LRRIQ3: variants seen among roughly 807,000 people sequenced by gnomAD.
The protein encoded by LRRIQ3 is leucine rich repeats and IQ motif containing 3, also known as leucine-rich repeat and IQ domain-containing protein 3.
A neutral mutation model predicts 59.3 loss-of-function variants in LRRIQ3; 75 were observed. The ratio of observed to expected loss-of-function variants is 1.26; its 90% CI spans 1.05 to 1.53. LRRIQ3 has a LOEUF of 1.53. LRRIQ3 is among the 40% of genes most tolerant of loss of function. LRRIQ3 has a pLI of 0.00. For synonymous variants in LRRIQ3, 250 were observed against 231.3 expected, an observed-to-expected ratio of 1.08 and a Z score of -0.73; for missense variants, 831 against 710.0, an observed-to-expected ratio of 1.17 and a Z score of -1.94.
At chr1:74,124,101 T>G (rs1220736630) in intron 4 of LRRIQ3, among the ~76,000 whole-genome samples, 1 of 151,964 alleles carries the variant, frequency 6.6e-6, no homozygotes, top group African/African-American at 2.4e-5. Context: ...TGATTTATGT[T>G]TTTCTGATGA....
intron 1 of LRRIQ3, among the ~76,000 whole-genome samples, chr1:74,188,498 T>C (rs10789390): frequency 0.98 from 149,182 of 152,288 alleles, 73,150 homozygotes; most frequent in Middle Eastern, 1. Context: ...CTTAGGATGT[T>C]ACACTTCTCT....
At chr1:74,136,346 A>T (rs1014008705) in intron 4 of LRRIQ3, among the ~76,000 whole-genome samples, 1 of 151,928 alleles carries the variant, frequency 6.6e-6, no homozygotes, top group Non-Finnish European at 1.5e-5. Context: ...TCCTCCAGAA[A>T]TAGAGAAAGA....
intron 5 of LRRIQ3, among the ~76,000 whole-genome samples, chr1:74,078,357 T>A (rs1646232418): frequency 6.6e-6 from 1 of 151,668 alleles, no homozygotes; most frequent in Non-Finnish European, 1.5e-5. Flanking sequence ...CCTTTTCCAA[T>A]GAGATAGTAA....
intron 3 of LRRIQ3, among the ~76,000 whole-genome samples, chr1:74,169,170 G>A (rs552625975): frequency 6.6e-6 from 1 of 152,126 alleles, no homozygotes; most frequent in Non-Finnish European, 1.5e-5. Context: ...GAAATCATCC[G>A]GTATTTGTCC....
intron 1 of LRRIQ3, among the ~76,000 whole-genome samples, chr1:74,188,184 G>A (rs1025496737): frequency 1.3e-5 from 2 of 152,082 alleles, no homozygotes; most frequent in African/African-American, 4.8e-5. Flanking sequence ...ACCAAATACT[G>A]CATTTTCTCC....
chr1:74,061,060 G>C (rs1410816708), intron 6 of LRRIQ3, among the ~76,000 whole-genome samples: 1 of 152,082 alleles, frequency 6.6e-6, no homozygotes, highest in African/African-American at 2.4e-5. Context: ...GGCAGGACTT[G>C]ATCTGATATA....
intron 3 of LRRIQ3, among the ~76,000 whole-genome samples, chr1:74,176,375 T>C (rs1347681359): frequency 1.3e-5 from 2 of 152,176 alleles, no homozygotes; most frequent in African/African-American, 2.4e-5. Context: ...TCTTTCTTGT[T>C]TTCCAGATTT....
intron 4 of LRRIQ3, among the ~76,000 whole-genome samples, chr1:74,147,538 C>T (rs1316553383): frequency 6.6e-6 from 1 of 152,048 alleles, no homozygotes; most frequent in East Asian, 1.9e-4. Flanking sequence ...TTCAGAAGAG[C>T]TTTCCAATAT....
chr1:74,110,485 C>T (rs1184796682), intron 4 of LRRIQ3, among the ~76,000 whole-genome samples: 1 of 151,864 alleles, frequency 6.6e-6, no homozygotes, highest in Non-Finnish European at 1.5e-5. Flanking sequence ...AATTTAGCAG[C>T]CTATTTTATA....
intron 4 of LRRIQ3, among the ~76,000 whole-genome samples, chr1:74,151,598 G>A (rs1452273337): frequency 6.6e-6 from 1 of 151,976 alleles, no homozygotes; most frequent in African/African-American, 2.4e-5. Flanking sequence ...ATCCGGGGTG[G>A]GGGGGATGGG....
intron 7 of LRRIQ3, among the ~76,000 whole-genome samples, chr1:74,029,265 G>A (rs1653620238): frequency 6.6e-6 from 1 of 152,084 alleles, no homozygotes; most frequent in Non-Finnish European, 1.5e-5. Context: ...AATAGGAGTG[G>A]CGAGAGAGGG....
At chr1:74,196,064 A>G (rs899259831) in intron 1 of LRRIQ3, among the ~76,000 whole-genome samples, 1 of 152,068 alleles carries the variant, frequency 6.6e-6, no homozygotes, top group Admixed American at 6.5e-5. Flanking sequence ...AACAGAAGCC[A>G]TAGCTGATAA....
At chr1:74,051,407 C>T (rs957149965) in intron 6 of LRRIQ3, among the ~76,000 whole-genome samples, 7 of 152,118 alleles carry the variant, frequency 4.6e-5, no homozygotes, top group Non-Finnish European at 1.0e-4. Context: ...TCTCAAATAG[C>T]CATACCTATT....
intron 3 of LRRIQ3, among the ~76,000 whole-genome samples, chr1:74,162,075 T>C (rs924417347): frequency 2.6e-5 from 4 of 151,896 alleles, no homozygotes; most frequent in African/African-American, 7.2e-5. Context: ...TCATCATTTG[T>C]AAAATGGAGA....
chr1:74,145,354 C>T (rs922270694), intron 4 of LRRIQ3, among the ~76,000 whole-genome samples: 20 of 152,142 alleles, frequency 1.3e-4, no homozygotes, highest in African/African-American at 4.8e-4. Flanking sequence ...GTGGAGTTGG[C>T]TCTGCCATGC....
rs545656490 is a variant in LRRIQ3 at position 74,026,205 on chromosome 1, C to A, written c.*608G>T. 6.6e-6 allele frequency: 1 copy of A among 151,998 alleles called. No homozygotes were observed. Among genetic ancestry groups the A allele is most frequent in the African/African-American group, 2.4e-5 (1 of 41,492 alleles). The allele number at this position is 151,998 out of a possible 1,614,324, so 9.4% of individuals were successfully genotyped here. The stretch of plus-strand genomic sequence containing the variant: ...TGTATACCAAACAGGGCAAACCCAT[C>A]AAAAGTAAATATACAAAAATCTTAC... On this transcript the variant is annotated 3_prime_UTR_variant, in exon 8 of 8. Transcript: ENST00000354431.
rs1006134583 is a variant in LRRIQ3 at position 74,114,898 on chromosome 1, T to C, written c.708-5345A>G. ...GACATATCTGTGAATAATGTTAAGA[T>C]TTAAGTTTATTTTAAAATAAATTCC... is the stretch of plus-strand genomic sequence containing the variant. On this transcript the variant is annotated intron_variant, in intron 4 of 7. Transcript: ENST00000354431. Among the ~76,000 whole-genome samples, 4 of 152,106 alleles carry C rather than the reference T, an allele frequency of 2.6e-5. No individual in the cohort carries two copies. The East Asian group carries it at 7.7e-4, about 29-fold the overall frequency.
intron 4 of LRRIQ3, among the ~76,000 whole-genome samples, chr1:74,128,908 T>C (rs182551622): frequency 6.6e-6 from 1 of 152,142 alleles, no homozygotes; most frequent in East Asian, 1.9e-4. Flanking sequence ...CTGGAAGAAT[T>C]ATCTGGATTG....
chr1:74,137,653 T>C (rs1189635859), intron 4 of LRRIQ3, among the ~76,000 whole-genome samples: 2 of 152,116 alleles, frequency 1.3e-5, no homozygotes, highest in East Asian at 1.9e-4. Context: ...GGTATGTTTA[T>C]TGCAGCACTG....
Sources: allele counts gnomAD v4.1 joint callset (sites outside exome capture counted in the v4.1 genomes callset), GRCh38; gene constraint gnomAD v4.1.1; transcripts MANE v1.5; gene names NCBI Gene and HGNC (gene_info 2026-07-23, HGNC 2026-07-21).